Variants in RABL3 observed in about 807,000 individuals in gnomAD.
RABL3 encodes the protein RAB, member of RAS oncogene family like 3, also known as rab-like protein 3.
RABL3 carries 31 observed loss-of-function variants against 31.8 expected under a neutral mutation model. The observed-to-expected ratio is 0.97, with a 90% CI of 0.73 to 1.31. The LOEUF (loss-of-function observed/expected upper bound fraction) is 1.31, where lower values mean the gene tolerates loss of function less well. Ranked by LOEUF, RABL3 falls within the 40% of genes most tolerant of loss-of-function variation. RABL3 has a pLI of 0.00. For missense variants in RABL3, 263 were observed against 279.6 expected, an observed-to-expected ratio of 0.94 and a Z score of 0.42; for synonymous variants, 97 against 99.9, an observed-to-expected ratio of 0.97 and a Z score of 0.18.
intron 4 of RABL3, among the ~76,000 whole-genome samples, chr3:120,705,052 C>A (rs1559814331): frequency 6.6e-6 from 1 of 152,160 alleles, no homozygotes; most frequent in Non-Finnish European, 1.5e-5. Flanking sequence ...AACAAAAAAA[C>A]AATTTACAAT....
At chr3:120,724,930 A>C (rs1487195576) in intron 2 of RABL3, among the ~76,000 whole-genome samples, 1 of 152,184 alleles carries the variant, frequency 6.6e-6, no homozygotes, top group Non-Finnish European at 1.5e-5. Context: ...CAATGGCAAC[A>C]AAAGCCAAAA....
At chr3:120,741,262 T>G (rs1325378441) in intron 1 of RABL3, among the ~76,000 whole-genome samples, 1 of 152,234 alleles carries the variant, frequency 6.6e-6, no homozygotes, top group Non-Finnish European at 1.5e-5. Context: ...GAAGTCGACA[T>G]AAATTGTGAT....
Position 120,706,112 on chromosome 3 carries a change from T to G in RABL3, c.271A>C (p.Ile91Leu). Residue 91 changes from isoleucine (I) to leucine (L), a missense_variant and splice_region_variant, in exon 4 of 8, where the codon ATT becomes CTT. Physicochemically the swap from Ile to Leu is conservative, Grantham distance 5 (BLOSUM62 2). Transcript: ENST00000273375. ...TTTGTTAAGTCGTGTACGAAAATAA[T>G]ACCTAAAATAATCAGAGAAAACAAT... Reference protein sequence around the residue: ...RAVFYNSVNGIIFVHDLTNKK... With the variant: ...RAVFYNSVNGLIFVHDLTNKK... The G allele has an allele frequency of 6.4e-7, 1 of 1,573,674 alleles. No individual in the cohort carries two copies. Among genetic ancestry groups the G allele is most frequent in the African/African-American group, 1.3e-5 (1 of 74,190 alleles).
At chr3:120,715,277 G>A (rs1351855877) in intron 2 of RABL3, among the ~76,000 whole-genome samples, 1 of 152,184 alleles carries the variant, frequency 6.6e-6, no homozygotes, top group African/African-American at 2.4e-5. Context: ...GGTGGCTCAT[G>A]CCTATAATCC....
intron 1 of RABL3, among the ~76,000 whole-genome samples, chr3:120,740,954 C>T (rs1709035398): frequency 6.6e-6 from 1 of 152,160 alleles, no homozygotes; most frequent in Non-Finnish European, 1.5e-5. Flanking sequence ...TTATATGACG[C>T]ATTAATTCCA....
At chr3:120,724,697 G>A (rs1469433471) in intron 2 of RABL3, among the ~76,000 whole-genome samples, 2 of 152,122 alleles carry the variant, frequency 1.3e-5, no homozygotes, top group Non-Finnish European at 2.9e-5. Flanking sequence ...CAAGAAATGG[G>A]GAAAGGATTC....
At chr3:120,724,145 T>A (rs938536081) in intron 2 of RABL3, among the ~76,000 whole-genome samples, 1 of 152,196 alleles carries the variant, frequency 6.6e-6, no homozygotes, top group Non-Finnish European at 1.5e-5. Flanking sequence ...AGCATTCTCA[T>A]ACACTAATAA....
chr3:120,742,557 A>G (rs765416405), upstream of RABL3: 38 of 1,594,106 alleles, frequency 2.4e-5, no homozygotes, highest in Non-Finnish European at 6.9e-6. Flanking sequence ...TTGTAAGCCA[A>G]TCAGAGTTGG....
rs565440937 is a variant in RABL3, at chr3:120,741,713, T to C, written c.46+749A>G. The stretch of plus-strand genomic sequence containing the variant: ...ATATATATTTAACACTAGGATTAAA[T>C]TGGGCTCAGCGTTAAATCCTAGCTG... On this transcript the variant is annotated intron_variant, in intron 1 of 7. Transcript: ENST00000273375. 7.9e-5 allele frequency among the ~76,000 whole-genome samples: 12 copies of C among 152,330 alleles called. No homozygotes were observed. In the South Asian group the frequency reaches 1.4e-3, roughly 18 times the overall value.
intron 3 of RABL3, among the ~76,000 whole-genome samples, chr3:120,708,633 C>A (rs930700232): frequency 1.3e-5 from 2 of 151,992 alleles, no homozygotes; most frequent in Admixed American, 1.3e-4. Flanking sequence ...GGTCACCTCA[C>A]ACTATACTTA....
Position 120,739,245 on chromosome 3 carries a change from T to G in RABL3, c.46+3217A>C, listed in dbSNP as rs373867039. 2.6e-5 allele frequency among the ~76,000 whole-genome samples: 4 copies of G among 152,096 alleles called. No individual in the cohort carries two copies. The South Asian group carries it at 8.3e-4, about 32-fold the overall frequency. ...TACAAAAATTAGCTGGGCGTGGTGG[T>G]GGGTGCCTGTAATCCCAGCTACTTG... is the stretch of plus-strand genomic sequence containing the variant. On this transcript the variant is annotated intron_variant, in intron 1 of 7. Transcript: ENST00000273375.
At chr3:120,717,274 A>C (rs1708682072) in intron 2 of RABL3, among the ~76,000 whole-genome samples, 2 of 116,016 alleles carry the variant, frequency 1.7e-5, no homozygotes, top group African/African-American at 5.3e-5. Context: ...AAAACAAAAA[A>C]AAAAACAACA....
intron 3 of RABL3, among the ~76,000 whole-genome samples, chr3:120,708,303 TA>T (rs1417116207): frequency 6.6e-6 from 1 of 151,982 alleles, no homozygotes; most frequent in African/African-American, 2.4e-5. Flanking sequence ...TCAATAATAT[TA>T]AAGGAGACAA....
chr3:120,730,859 ATAC>A, intron 1 of RABL3, 72 bp from the exon 2 acceptor site: 1 of 925,828 alleles, frequency 1.1e-6, no homozygotes, highest in Non-Finnish European at 1.8e-6. Flanking sequence ...AGTAAGACTA[ATAC>A]TACACAGGAA....
chr3:120,721,253 G>A (rs996147656), intron 2 of RABL3, among the ~76,000 whole-genome samples: 2 of 152,140 alleles, frequency 1.3e-5, no homozygotes, highest in Admixed American at 6.5e-5. Context: ...AAAGACCATC[G>A]AGGCTAGGAA....
Position 120,732,817 on chromosome 3 carries a change from G to GT in RABL3, c.47-2031dup, listed in dbSNP as rs546816017. 1.9e-4 allele frequency among the ~76,000 whole-genome samples: 29 copies of GT among 151,412 alleles called. No individual in the cohort carries two copies. The South Asian group carries it at 5.6e-3, about 29-fold the overall frequency. ...TATGAGTGAGAACAAGTGGTGTTTG[G>GT]TTTTTTGTCCTTGCGATAGTTTGCT... On this transcript the variant is annotated intron_variant, in intron 1 of 7. Transcript: ENST00000273375.
intron 2 of RABL3, among the ~76,000 whole-genome samples, chr3:120,721,640 T>C (rs559452292): frequency 6.6e-6 from 1 of 152,286 alleles, no homozygotes; most frequent in South Asian, 2.1e-4. Flanking sequence ...ATCCTAAACA[T>C]ATATGCACCC....
At chr3:120,719,318 G>T (rs958475339) in intron 2 of RABL3, among the ~76,000 whole-genome samples, 1 of 152,200 alleles carries the variant, frequency 6.6e-6, no homozygotes, top group African/African-American at 2.4e-5. Flanking sequence ...TGAGGTACTG[G>T]GTTCATCTCA....
chr3:120,708,873 C>T (rs1295610556), intron 3 of RABL3, among the ~76,000 whole-genome samples: 2 of 151,804 alleles, frequency 1.3e-5, no homozygotes, highest in East Asian at 3.9e-4. Flanking sequence ...AATATGTATC[C>T]AATGAAAAGA....
Sources: allele counts gnomAD v4.1 joint callset (sites outside exome capture counted in the v4.1 genomes callset), GRCh38; gene constraint gnomAD v4.1.1; transcripts MANE v1.5; gene names NCBI Gene and HGNC (gene_info 2026-07-23, HGNC 2026-07-21).